EBF1: variants seen among roughly 807,000 people sequenced by gnomAD.
EBF1 encodes EBF transcription factor 1.
In EBF1, 10 loss-of-function variants were observed where a neutral mutation model predicts 68.4. That is an observed-to-expected ratio of 0.15 (90% CI 0.09 to 0.25). The LOEUF is 0.25. Among genes scored for constraint, EBF1 ranks in the 10% least tolerant of loss-of-function variants. The probability of loss-of-function intolerance (pLI) is 1.00; values close to 1 mark genes in which losing one functional copy is unlikely to be tolerated. For synonymous variants in EBF1, 298 were observed against 299.8 expected (o/e 0.99, Z 0.06); for missense variants, 509 against 794.4 (o/e 0.64, Z 4.32).
At chr5:158,701,361 T>TA (rs35952631) in intron 15 of EBF1, among the ~76,000 whole-genome samples, 36 of 147,878 alleles carry the variant, frequency 2.4e-4, no homozygotes, top group African/African-American at 3.2e-4. Context: ...TGGCCAGAAT[T>TA]AAAAAAAAAA....
intron 6 of EBF1, among the ~76,000 whole-genome samples, chr5:158,883,316 A>G (rs1229909973): frequency 6.7e-6 from 1 of 149,196 alleles, no homozygotes; most frequent in African/African-American, 2.5e-5. Context: ...ACATACATAC[A>G]TGTGTATATA....
At chr5:158,718,074 G>T (rs75985066) in intron 11 of EBF1, among the ~76,000 whole-genome samples, 2 of 152,318 alleles carry the variant, frequency 1.3e-5, no homozygotes, top group East Asian at 3.9e-4. Context: ...TAATAAAAAT[G>T]CTGAATGGGC....
At chr5:158,894,954 T>C (rs1333924323) in intron 6 of EBF1, among the ~76,000 whole-genome samples, 2 of 152,188 alleles carry the variant, frequency 1.3e-5, no homozygotes, top group African/African-American at 4.8e-5. Context: ...ATGTTACATA[T>C]ACTATATATA....
intron 10 of EBF1, among the ~76,000 whole-genome samples, chr5:158,773,984 T>G (rs1259032660): frequency 1.3e-5 from 2 of 152,190 alleles, no homozygotes; most frequent in Non-Finnish European, 2.9e-5. Flanking sequence ...TGTTTTTGTT[T>G]CCTTCTCTTA....
chr5:158,721,629 G>A (rs912943932), intron 11 of EBF1, among the ~76,000 whole-genome samples: 2 of 152,122 alleles, frequency 1.3e-5, no homozygotes, highest in African/African-American at 4.8e-5. Flanking sequence ...CTCAATTACT[G>A]TCCCGTAAGC....
At chr5:159,025,254 C>T (rs187272844) in intron 6 of EBF1, among the ~76,000 whole-genome samples, 1 of 152,188 alleles carries the variant, frequency 6.6e-6, no homozygotes, top group Non-Finnish European at 1.5e-5. Flanking sequence ...GCTACCCTGG[C>T]TCTGCTCTTC....
intron 10 of EBF1, among the ~76,000 whole-genome samples, chr5:158,773,897 G>T (rs73816056): frequency 0.034 from 5,144 of 152,210 alleles, 305 homozygotes; most frequent in African/African-American, 0.12. Flanking sequence ...TGGCAGTGAG[G>T]TTATAGTGGA....
chr5:158,894,736 G>A (rs1801845420), intron 6 of EBF1, among the ~76,000 whole-genome samples: 1 of 152,144 alleles, frequency 6.6e-6, no homozygotes, highest in Non-Finnish European at 1.5e-5. Flanking sequence ...ACGTCCCTGT[G>A]TTTCCATTTC....
chr5:158,994,854 C>T (rs1175792097), intron 6 of EBF1, among the ~76,000 whole-genome samples: 2 of 152,126 alleles, frequency 1.3e-5, no homozygotes, highest in Admixed American at 6.5e-5. Flanking sequence ...CTTGACAATG[C>T]CAAACAACAA....
chr5:158,986,548 G>A (rs973049135), intron 6 of EBF1: 1 of 152,198 alleles, frequency 6.6e-6, no homozygotes, highest in Non-Finnish European at 1.5e-5. Context: ...TATAAAAGCA[G>A]CCAGATATAT....
chr5:158,856,590 A>G (rs1404704160), intron 6 of EBF1, among the ~76,000 whole-genome samples: 3 of 147,278 alleles, frequency 2.0e-5, no homozygotes, highest in Admixed American at 6.7e-5. Flanking sequence ...TAGGCTTTAG[A>G]AAAATAATAA....
In EBF1 at chr5:158,786,111, C is replaced by A. The variant is rs143594247; in HGVS notation, c.910-8572G>T. Among the ~76,000 whole-genome samples, 828 of 152,156 alleles carry A rather than the reference C, an allele frequency of 5.4e-3. 13 individuals are homozygous for A. Among genetic ancestry groups the A allele is most frequent in the African/African-American group, 0.019 (800 of 41,526 alleles). ...TATGAATCTACAAAAAGGAAATAAT[C>A]AACACCACTCCATTCAGAATTCTTT... is the stretch of plus-strand genomic sequence containing the variant. On this transcript the variant is annotated intron_variant, in intron 9 of 15. Coordinates refer to ENST00000313708, the MANE Select transcript of EBF1 (RefSeq NM_024007.5).
intron 11 of EBF1, among the ~76,000 whole-genome samples, chr5:158,725,044 G>A (rs148316295): frequency 2.0e-5 from 3 of 152,274 alleles, no homozygotes; most frequent in East Asian, 1.9e-4. Flanking sequence ...CTCTTAATTA[G>A]CCTGGTGTTT....
At chr5:158,830,428 A>C (rs1048659988) in intron 7 of EBF1, among the ~76,000 whole-genome samples, 1 of 151,914 alleles carries the variant, frequency 6.6e-6, no homozygotes, top group Non-Finnish European at 1.5e-5. Flanking sequence ...ACACCACCAC[A>C]CCCAGCTAAT....
At chr5:159,024,008 C>A (rs1767231767) in intron 6 of EBF1, among the ~76,000 whole-genome samples, 1 of 152,052 alleles carries the variant, frequency 6.6e-6, no homozygotes, top group African/African-American at 2.4e-5. Flanking sequence ...TGGGATTATT[C>A]AAGCAAGGAA....
chr5:158,736,436 T>C (rs1446899097), intron 10 of EBF1, among the ~76,000 whole-genome samples: 4 of 152,148 alleles, frequency 2.6e-5, no homozygotes, highest in Admixed American at 6.5e-5. Context: ...ATTTCTGGGG[T>C]TTTAATTTCC....
At chr5:159,030,750 C>T (rs1487587770) in intron 6 of EBF1, among the ~76,000 whole-genome samples, 4 of 152,116 alleles carry the variant, frequency 2.6e-5, no homozygotes, top group African/African-American at 9.7e-5. Flanking sequence ...AATTTAAGCC[C>T]ACAGGCCAAA....
At chr5:158,758,727 G>A (rs755208416) in intron 10 of EBF1, among the ~76,000 whole-genome samples, 14 of 152,158 alleles carry the variant, frequency 9.2e-5, no homozygotes, top group Non-Finnish European at 1.5e-4. Context: ...TTCAAACTGA[G>A]ATGACGTGAC....
intron 6 of EBF1, among the ~76,000 whole-genome samples, chr5:158,946,286 C>T (rs568601838): frequency 1.3e-5 from 2 of 152,292 alleles, no homozygotes; most frequent in Admixed American, 6.5e-5. Context: ...GCATTTTCAG[C>T]CTTTTTCACT....
Sources: allele counts gnomAD v4.1 joint callset (sites outside exome capture counted in the v4.1 genomes callset), GRCh38; gene constraint gnomAD v4.1.1; transcripts MANE v1.5; gene names NCBI Gene and HGNC (gene_info 2026-07-23, HGNC 2026-07-21).